Variants in ZNF717 observed in about 807,000 individuals in gnomAD.
ZNF717 encodes krueppel-like factor X17.
Under a neutral mutation model 13.8 loss-of-function variants are expected in ZNF717, and 9 were observed. That is an observed-to-expected ratio of 0.65 (90% CI 0.39 to 1.14). The LOEUF is 1.14. Among genes scored for constraint, ZNF717 ranks in the 50% most tolerant of loss-of-function variants. ZNF717 has a pLI of 0.01. For missense variants in ZNF717, 1,040 were observed against 1,080.7 expected, an observed-to-expected ratio of 0.96 and a Z score of 0.53; for synonymous variants, 327 against 364.1, an observed-to-expected ratio of 0.90 and a Z score of 1.16.
chr3:75,762,147 A>T (rs1479244026), intron 2 of ZNF717, among the ~76,000 whole-genome samples: 2 of 151,910 alleles, frequency 1.3e-5, no homozygotes, highest in Non-Finnish European at 2.9e-5. Flanking sequence ...TTTTAAAAAG[A>T]ATGACATTTG....
At chr3:75,749,249 G>C (rs1325265865) in intron 2 of ZNF717, among the ~76,000 whole-genome samples, 9 of 152,128 alleles carry the variant, frequency 5.9e-5, no homozygotes, top group Admixed American at 2.6e-4. Context: ...GCTGTGGTCC[G>C]AATGTTTTTC....
intron 2 of ZNF717, among the ~76,000 whole-genome samples, chr3:75,780,652 G>T (rs548916106): frequency 6.6e-6 from 1 of 152,172 alleles, no homozygotes; most frequent in Non-Finnish European, 1.5e-5. Flanking sequence ...CACCCACCTC[G>T]GCCTCCCAAA....
intron 2 of ZNF717, among the ~76,000 whole-genome samples, chr3:75,747,292 G>A (rs1416249608): frequency 2.0e-5 from 3 of 152,136 alleles, no homozygotes; most frequent in Non-Finnish European, 4.4e-5. Context: ...GTCTGGTAGC[G>A]TGATGCCTCC....
At chr3:75,731,745 C>A (rs1938574999), downstream of ZNF717, among the ~76,000 whole-genome samples, 1 of 152,060 alleles carries the variant, frequency 6.6e-6, no homozygotes, top group African/African-American at 2.4e-5. Context: ...AGACCCCCAA[C>A]TCTAAAAAAA....
At chr3:75,739,671 C>G (rs540047905) in intron 4 of ZNF717, among the ~76,000 whole-genome samples, 2 of 122,152 alleles carry the variant, frequency 1.6e-5, no homozygotes, top group Non-Finnish European at 3.4e-5. Flanking sequence ...CATATGTTTT[C>G]TCTCTTTTTT....
chr3:75,774,756 G>A lies in ZNF717; in HGVS notation c.57+8550C>T, dbSNP rs567733723. Among the ~76,000 whole-genome samples, 264 of 151,716 alleles carry A rather than the reference G, an allele frequency of 1.7e-3. 2 individuals carry two copies. The highest frequency in any genetic ancestry group is 6.8e-3 in the Middle Eastern group (2 of 294). On this transcript the variant is annotated intron_variant, in intron 2 of 4. Coordinates refer to ENST00000652011, the MANE Select transcript of ZNF717 (RefSeq NM_001290208.3). ...CTGCCTCAGCCTCCCAAGTAGCTGGGACTACAGGTGCCCACCACCACGCCT... is the reference window on the plus strand; with the variant it reads ...CTGCCTCAGCCTCCCAAGTAGCTGGAACTACAGGTGCCCACCACCACGCCT...
chr3:75,733,849 C>A (rs78972505), downstream of ZNF717, among the ~76,000 whole-genome samples: 1,404 of 99,620 alleles, frequency 0.014, no homozygotes, highest in South Asian at 0.021. Flanking sequence ...AGTGGAATGA[C>A]ATATTAAACA....
chr3:75,708,358 G>C (rs1187149134), downstream of ZNF717, among the ~76,000 whole-genome samples: 1 of 152,300 alleles, frequency 6.6e-6, no homozygotes, highest in African/African-American at 2.4e-5. Flanking sequence ...GGCAAACAGG[G>C]TCTGGAGTGG....
intron 4 of ZNF717, among the ~76,000 whole-genome samples, chr3:75,740,322 T>C (rs2107164754): frequency 6.6e-6 from 1 of 152,334 alleles, no homozygotes; most frequent in Non-Finnish European, 1.5e-5. Flanking sequence ...TTCTTTGGAC[T>C]TGAGACCCAG....
Position 75,704,376 on chromosome 3 carries a change from A to G in ZNF717, n.1085+6811T>C, listed in dbSNP as rs1227175146. Among the ~76,000 whole-genome samples, 4 of 152,412 alleles carry G rather than the reference A, an allele frequency of 2.6e-5. No homozygotes were observed. In the East Asian group the frequency reaches 5.8e-4, roughly 22 times the overall value. On this transcript the variant is annotated intron_variant and non_coding_transcript_variant, in intron 6 of 6. Transcript: ENST00000648506. ...TATCATGAAGGGACGCCAAGACAAG[A>G]CCCCCACTCCAAGGAAAACAATCCA...
At chr3:75,710,995 T>C (rs1937926464) in exon 6 of ZNF717, 1 of 152,216 alleles carries the variant, frequency 6.6e-6, no homozygotes, top group South Asian at 2.1e-4. Context: ...TTAAAGTTTT[T>C]GGGCCTGCCA....
At chr3:75,739,426 T>TCCACTGAGATAGGAAGTAA in intron 4 of ZNF717, 81 bp from the exon 5 acceptor site, 1 of 1,117,472 alleles carries the variant, frequency 8.9e-7, no homozygotes, top group Non-Finnish European at 1.2e-6. Context: ...AAAAAATTAC[T>TCCACTGAGATAGGAAGTAA]TCCTATCTCA....
chr3:75,780,457 T>C (rs369041922), intron 2 of ZNF717, among the ~76,000 whole-genome samples: 1 of 152,142 alleles, frequency 6.6e-6, no homozygotes, highest in Admixed American at 6.5e-5. Context: ...CAGAGTGGAG[T>C]GCAGTGGCAA....
chr3:75,715,956 G>GA (rs1553653044), intron 5 of ZNF717, among the ~76,000 whole-genome samples: 12 of 142,284 alleles, frequency 8.4e-5, no homozygotes, highest in Non-Finnish European at 1.7e-4. Context: ...TGCGATTCTG[G>GA]TTTTTTTTGG....
rs1410734908 is a variant in ZNF717 at position 75,762,018 on chromosome 3, C to T, written c.58-20282G>A. ...GCAGTCAGCTGAGATTGTGCCACTG[C>T]GCTCCAGCCTAGGAAACAGAGTGAG... On this transcript the variant is annotated intron_variant, in intron 2 of 4. Coordinates refer to ENST00000652011, the MANE Select transcript of ZNF717 (RefSeq NM_001290208.3). 6.0e-5 allele frequency among the ~76,000 whole-genome samples: 9 copies of T among 148,778 alleles called. No homozygotes were observed. The East Asian group carries it at 1.2e-3, about 20-fold the overall frequency.
At chr3:75,734,442 TTTTTTTG>T (rs1938904778), downstream of ZNF717, among the ~76,000 whole-genome samples, 4 of 148,562 alleles carry the variant, frequency 2.7e-5, no homozygotes, top group African/African-American at 1.0e-4. Context: ...GTTTTTTTGT[TTTTTTTG>T]TGAGATGGAG....
rs1457037374 is a variant in ZNF717 at position 75,764,013 on chromosome 3, C to T, written c.57+19293G>A. 3.3e-5 allele frequency among the ~76,000 whole-genome samples: 5 copies of T among 152,188 alleles called. No homozygotes were observed. In the East Asian group the frequency reaches 9.6e-4, roughly 29 times the overall value. On this transcript the variant is annotated intron_variant, in intron 2 of 4. Coordinates refer to ENST00000652011, the MANE Select transcript of ZNF717 (RefSeq NM_001290208.3). ...AGTTTGCAAAATCTTTACTAGACTA[C>T]TCGTGAGGCTAACTAGAGGCCAAGG... is the stretch of plus-strand genomic sequence containing the variant.
intron 2 of ZNF717, among the ~76,000 whole-genome samples, chr3:75,745,623 C>T (rs1393938301): frequency 1.3e-5 from 2 of 152,054 alleles, no homozygotes; most frequent in Non-Finnish European, 2.9e-5. Context: ...CACTGCAACT[C>T]CCCTTTACCC....
At chr3:75,749,264 A>G (rs1941460976) in intron 2 of ZNF717, among the ~76,000 whole-genome samples, 11 of 151,792 alleles carry the variant, frequency 7.2e-5, no homozygotes, top group Admixed American at 7.2e-4. Flanking sequence ...TTTTTCCCTC[A>G]CTTAGGATTA....
Sources: gnomAD v4.1 joint callset for allele counts (sites outside exome capture counted in the v4.1 genomes callset) on GRCh38, gnomAD v4.1.1 for gene constraint, MANE v1.5 for transcripts, NCBI Gene and HGNC (gene_info 2026-07-23, HGNC 2026-07-21) for gene names.